The following VEGFD variants were observed in gnomAD, a reference collection of about 807,000 sequenced individuals.
The protein encoded by VEGFD is vascular endothelial growth factor D.
VEGFD carries 26 observed loss-of-function variants against 28.0 expected under a neutral mutation model. The observed-to-expected ratio is 0.93, with a 90% CI of 0.68 to 1.29. The LOEUF (loss-of-function observed/expected upper bound fraction) is 1.29, where lower values mean the gene tolerates loss of function less well. Among genes scored for constraint, VEGFD ranks in the 50% most tolerant of loss-of-function variants. VEGFD has a pLI of 0.00. For synonymous variants in VEGFD, 93 were observed against 95.5 expected (o/e 0.97, Z 0.15); for missense variants, 294 against 273.4 (o/e 1.08, Z -0.53).
At chrX:15,346,560 A>G (rs1436862895) in intron 6 of VEGFD, among the ~76,000 whole-genome samples, 1 of 111,710 alleles carries the variant, frequency 9.0e-6, no homozygotes, top group Non-Finnish European at 1.9e-5. Context: ...ATGATCTGAA[A>G]CCTCCCCTTC....
chrX:15,358,470 G>A (rs1487838805), intron 2 of VEGFD, among the ~76,000 whole-genome samples: 2 of 111,701 alleles, frequency 1.8e-5, no homozygotes, highest in Non-Finnish European at 3.8e-5. Flanking sequence ...TAATTACACT[G>A]AATACATCTG....
intron 1 of VEGFD, among the ~76,000 whole-genome samples, chrX:15,373,040 A>T (rs1031513783): frequency 2.7e-5 from 3 of 112,031 alleles, no homozygotes; most frequent in African/African-American, 9.7e-5. Context: ...AATTCCCCAA[A>T]AGCCAAACCA....
At chrX:15,376,765 T>C (rs1485972836) in intron 1 of VEGFD, among the ~76,000 whole-genome samples, 2 of 112,052 alleles carry the variant, frequency 1.8e-5, no homozygotes, top group African/African-American at 6.5e-5. Context: ...AAGCACACCA[T>C]TGCAAAGTTG....
chrX:15,372,425 C>T (rs1923332490), intron 1 of VEGFD, among the ~76,000 whole-genome samples: 1 of 107,887 alleles, frequency 9.3e-6, no homozygotes, highest in South Asian at 3.9e-4. Flanking sequence ...CATTTTGTGC[C>T]ATTAAAGCTC....
At chrX:15,368,031 G>GAAAGAAAGAAAGA (rs753106829) in intron 1 of VEGFD, among the ~76,000 whole-genome samples, 162 of 26,839 alleles carry the variant, frequency 6.0e-3, no homozygotes, top group Middle Eastern at 0.03. Flanking sequence ...AGAAAGAAAG[G>GAAAGAAAGAAAGA]AAAGAAGAAA....
chrX:15,369,128 A>T (rs1171606413), intron 1 of VEGFD, among the ~76,000 whole-genome samples: 1 of 111,477 alleles, frequency 9.0e-6, no homozygotes, highest in African/African-American at 3.3e-5. Flanking sequence ...GTCACGGGTG[A>T]CCAAGATGGC....
intron 2 of VEGFD, among the ~76,000 whole-genome samples, chrX:15,362,013 C>T (rs1267926177): frequency 9.0e-6 from 1 of 110,774 alleles, no homozygotes; most frequent in African/African-American, 3.3e-5. Context: ...GGATTACAGG[C>T]ATGCACCGCC....
chrX:15,363,904 C>A (rs185360971), intron 1 of VEGFD, among the ~76,000 whole-genome samples: 18 of 112,340 alleles, frequency 1.6e-4, no homozygotes, highest in Non-Finnish European at 3.4e-4. Flanking sequence ...TGAGGGCGTG[C>A]AGCCTTGCTG....
chrX:15,355,037 A>G (rs961764729), intron 4 of VEGFD, 113 bp downstream of exon 4: 2 of 672,377 alleles, frequency 3.0e-6, no homozygotes, highest in African/African-American at 2.3e-5. Flanking sequence ...TAAAATATGA[A>G]TAATTTGAAG....
intron 2 of VEGFD, among the ~76,000 whole-genome samples, chrX:15,358,472 A>G (rs1263167534): frequency 1.8e-5 from 2 of 111,929 alleles, no homozygotes; most frequent in Non-Finnish European, 3.8e-5. Flanking sequence ...ATTACACTGA[A>G]TACATCTGGA....
chrX:15,363,624 G>C (rs1409025592), intron 1 of VEGFD, among the ~76,000 whole-genome samples: 1 of 112,336 alleles, frequency 8.9e-6, no homozygotes, highest in Non-Finnish European at 1.9e-5. Context: ...CACAGAACCT[G>C]TGAACATTAC....
intron 1 of VEGFD, among the ~76,000 whole-genome samples, chrX:15,374,906 T>A (rs899129191): frequency 9.0e-6 from 1 of 110,587 alleles, no homozygotes; most frequent in Non-Finnish European, 1.9e-5. Flanking sequence ...CATGAAGAGA[T>A]CATATGTGGT....
At chrX:15,358,984 A>T (rs975935296) in intron 2 of VEGFD, among the ~76,000 whole-genome samples, 1 of 111,730 alleles carries the variant, frequency 9.0e-6, no homozygotes, top group Admixed American at 9.5e-5. Flanking sequence ...TGGGGGAAAG[A>T]TTCAATTTTA....
At position 15,345,910 on chromosome X, in the gene VEGFD, C is replaced by A; in HGVS notation, c.*223G>T. On this transcript the variant is annotated 3_prime_UTR_variant, in exon 7 of 7. Transcript: ENST00000297904. The stretch of plus-strand genomic sequence containing the variant: ...TAAACAAAAGGATTACATGGGTCCC[C>A]TCCTCTCCATTCCTTGGTGCGCAGA... The A allele has an allele frequency of 2.5e-6, 1 of 398,246 alleles. No individual in the cohort carries two copies. The highest frequency in any genetic ancestry group is 4.2e-5 in the East Asian group (1 of 23,871). The allele number at this position is 398,246 out of a possible 1,213,427, so 32.8% of individuals were successfully genotyped here. A position where few individuals can be genotyped will look rare whatever the true frequency, so the allele number is the denominator to read the frequency against.
At chrX:15,362,762 T>C (rs1923048102) in intron 2 of VEGFD, among the ~76,000 whole-genome samples, 1 of 111,355 alleles carries the variant, frequency 9.0e-6, no homozygotes, top group Admixed American at 9.5e-5. Context: ...AGAATACTCC[T>C]TGTGGATGAA....
chrX:15,347,355 G>A lies in VEGFD; in HGVS notation c.747C>T (p.His249=). 1.7e-6 allele frequency: 2 copies of A among 1,198,506 alleles called. No individual in the cohort carries two copies. Among genetic ancestry groups the A allele is most frequent in the Non-Finnish European group, 2.3e-6 (2 of 888,813 alleles). ...AGAGAGCTGGTTCCTGGAGATGAGA[G>A]TGGTCTAAAGAGAAACAGAAACGTG... ...EENPLAGTED[H]SHLQEPALCG... is the part of the protein sequence containing the mutation. The change falls in exon 6 of 7, where the codon CAC becomes CAT. Residue 249 remains histidine, a synonymous_variant. Coordinates refer to ENST00000297904, the MANE Select transcript of VEGFD (RefSeq NM_004469.5).
At chrX:15,357,826 G>A (rs1203945796) in intron 3 of VEGFD, among the ~76,000 whole-genome samples, 177 bp downstream of exon 3, 1 of 111,981 alleles carries the variant, frequency 8.9e-6, no homozygotes, top group Non-Finnish European at 1.9e-5. Context: ...ACCTCTCTGA[G>A]CCTCAGTTTC....
chrX:15,353,011 C>A, intron 5 of VEGFD, 57 bp downstream of exon 5: 1 of 654,617 alleles, frequency 1.5e-6, no homozygotes, highest in Non-Finnish European at 2.4e-6. Context: ...ATAACGGTTG[C>A]TGCTATTGTT....
chrX:15,357,346 C>T (rs1384064574), intron 3 of VEGFD, among the ~76,000 whole-genome samples: 1 of 111,305 alleles, frequency 9.0e-6, no homozygotes, highest in Non-Finnish European at 1.9e-5. Context: ...AGGACGCTGC[C>T]CTCCATGGGC....
Sources: gnomAD v4.1 joint callset for allele counts (sites outside exome capture counted in the v4.1 genomes callset) on GRCh38, gnomAD v4.1.1 for gene constraint, MANE v1.5 for transcripts, NCBI Gene and HGNC (gene_info 2026-07-23, HGNC 2026-07-21) for gene names.